Variants in PTPRB observed in about 807,000 individuals in gnomAD.
PTPRB encodes the protein receptor-type tyrosine-protein phosphatase beta.
PTPRB carries 97 observed loss-of-function variants against 238.1 expected under a neutral mutation model. The observed-to-expected ratio is 0.41, with a 90% CI of 0.35 to 0.48. The LOEUF (loss-of-function observed/expected upper bound fraction) is 0.48, where lower values mean the gene tolerates loss of function less well. PTPRB is among the 20% of genes least tolerant of loss of function. The pLI, the probability that PTPRB is intolerant of heterozygous loss-of-function variation, is 0.30. For synonymous variants in PTPRB, 970 were observed against 995.4 expected, an observed-to-expected ratio of 0.97 and a Z score of 0.48; for missense variants, 2,292 against 2,681.9, an observed-to-expected ratio of 0.85 and a Z score of 3.21.
intron 6 of PTPRB, among the ~76,000 whole-genome samples, chr12:70,593,513 CAAAAAAAAAAAAAAAA>C (rs71437149): frequency 2.7e-5 from 1 of 36,698 alleles, no homozygotes; most frequent in African/African-American, 1.1e-4. Flanking sequence ...AACTCTGTCT[CAAAAAAAAAAAAAAAA>C]AAAAAAAAAA....
intron 2 of PTPRB, among the ~76,000 whole-genome samples, chr12:70,631,159 C>T (rs1444234121): frequency 2.6e-5 from 4 of 152,176 alleles, no homozygotes; most frequent in African/African-American, 9.6e-5. Context: ...GGAGGCATCA[C>T]ACTACCTGAC....
chr12:70,593,603 C>G (rs1278391742), intron 6 of PTPRB, among the ~76,000 whole-genome samples: 1 of 147,872 alleles, frequency 6.8e-6, no homozygotes, highest in Non-Finnish European at 1.5e-5. Flanking sequence ...TCTTGATGTA[C>G]ATAAATAACT....
chr12:70,517,274 A>C lies in PTPRB; in HGVS notation c.*4215T>G, dbSNP rs746162797. 2.0e-5 allele frequency: 3 copies of C among 152,234 alleles called. No individual in the cohort carries two copies. The highest frequency in any genetic ancestry group is 2.9e-5 in the Non-Finnish European group (2 of 68,046). The allele number at this position is 152,234 out of a possible 1,614,324, so 9.4% of individuals were successfully genotyped here. A position where few individuals can be genotyped will look rare whatever the true frequency, so the allele number is the denominator to read the frequency against. On this transcript the variant is annotated 3_prime_UTR_variant, in exon 34 of 34. Coordinates refer to ENST00000334414, the MANE Select transcript of PTPRB (RefSeq NM_001109754.4). Reference sequence around the variant, plus strand: ...AATCCTCAAAAGGGCAACATGTCCTAATAGAAACGTGTGACAGGATTGTCC... The same window carrying C: ...AATCCTCAAAAGGGCAACATGTCCTCATAGAAACGTGTGACAGGATTGTCC...
intron 28 of PTPRB, among the ~76,000 whole-genome samples, chr12:70,536,603 G>A (rs1874161876): frequency 6.6e-6 from 1 of 152,226 alleles, no homozygotes; most frequent in Non-Finnish European, 1.5e-5. Context: ...ACTGTTGACT[G>A]AGCGTCTACC....
intron 11 of PTPRB, among the ~76,000 whole-genome samples, chr12:70,575,649 A>G (rs1377249903): frequency 6.6e-6 from 1 of 152,218 alleles, no homozygotes; most frequent in African/African-American, 2.4e-5. Flanking sequence ...AAATACAGAA[A>G]TCAACCCATA....
At chr12:70,601,761 T>C (rs1350222830) in intron 4 of PTPRB, among the ~76,000 whole-genome samples, 1 of 151,510 alleles carries the variant, frequency 6.6e-6, no homozygotes, top group Non-Finnish European at 1.5e-5. Flanking sequence ...AATACATTTC[T>C]AGAGAGGTAA....
Position 70,533,608 on chromosome 12 carries a change from G to A in PTPRB, c.6368+880C>T, listed in dbSNP as rs563869073. ...GCAATTGCTGTGCTGTGGTTTGAAT[G>A]TTTGTGTCCCCTCCAAAAATTCATG... On this transcript the variant is annotated intron_variant, in intron 31 of 33. Transcript: ENST00000334414. Among the ~76,000 whole-genome samples, 4 of 152,332 alleles carry A rather than the reference G, an allele frequency of 2.6e-5. No individual in the cohort carries two copies. The East Asian group carries it at 7.7e-4, about 29-fold the overall frequency.
At chr12:70,545,493 C>T (rs992076075) in intron 21 of PTPRB, among the ~76,000 whole-genome samples, 1 of 152,310 alleles carries the variant, frequency 6.6e-6, no homozygotes, top group African/African-American at 2.4e-5. Context: ...GGTCACTAGT[C>T]TTGGAAACTT....
rs1284446110 is a variant in PTPRB at position 70,571,311 on chromosome 12, C to A, written c.3107-22G>T. 9 of 1,561,020 alleles carry A rather than the reference C, an allele frequency of 5.8e-6. No individual in the cohort carries two copies. The East Asian group carries it at 2.0e-4, about 35-fold the overall frequency. ...GGAACTAGGGAGAAAAATGAGAAGA[C>A]ATTTCAGGAAAGGAACTGATCAGAG... is the stretch of plus-strand genomic sequence containing the variant. On this transcript the variant is annotated intron_variant, in intron 12 of 33. Transcript: ENST00000334414.
At position 70,596,266 on chromosome 12, in the gene PTPRB, A is replaced by T. The variant is rs2136483354; in HGVS notation, c.1041T>A (p.His347Gln). The T allele has an allele frequency of 6.2e-7, 1 of 1,612,812 alleles. No individual in the cohort carries two copies. The highest frequency in any genetic ancestry group is 8.5e-7 in the Non-Finnish European group (1 of 1,179,546). ...TTCCGGAAGAAGGAGTCCACCAAAC[A>T]TGCAAGCTGGTTGAAGTCGTCTTCT... is the stretch of plus-strand genomic sequence containing the variant. ...SKEKTTSTSLHVWWTPSSGKV... is the reference protein window; with the variant it reads ...SKEKTTSTSLQVWWTPSSGKV... The change falls in exon 5 of 34, where the codon CAT becomes CAA. Residue 347 changes from histidine to glutamine, a missense_variant. This residue lies in a region of PTPRB where 1,205 missense variants were observed against 1,287.8 expected (regional missense o/e 0.94). Coordinates refer to ENST00000334414, the MANE Select transcript of PTPRB (RefSeq NM_001109754.4).
At chr12:70,590,366 T>A in intron 7 of PTPRB, 133 bp from the exon 8 acceptor site, 1 of 879,750 alleles carries the variant, frequency 1.1e-6, no homozygotes, top group Non-Finnish European at 1.7e-6. Flanking sequence ...CCTCTTGATG[T>A]CTGTGGATTG....
Position 70,520,444 on chromosome 12 carries a change from A to G in PTPRB, c.*1045T>C, listed in dbSNP as rs1871541176. On this transcript the variant is annotated 3_prime_UTR_variant, in exon 34 of 34. Transcript: ENST00000334414. ...TTTTGCTATTGTTTTTAAATTTACTATATATGATGTTTGTAGTCATTTCTA... is the reference window on the plus strand; with the variant it reads ...TTTTGCTATTGTTTTTAAATTTACTGTATATGATGTTTGTAGTCATTTCTA... 1.4e-5 allele frequency: 3 copies of G among 214,572 alleles called. No individual in the cohort carries two copies. The South Asian group carries it at 1.7e-4, about 12-fold the overall frequency. 13.3% of individuals were successfully genotyped at this position (214,572 alleles called of 1,614,324 possible). A position where few individuals can be genotyped will look rare whatever the true frequency, so the allele number is the denominator to read the frequency against.
intron 3 of PTPRB, among the ~76,000 whole-genome samples, chr12:70,618,566 C>T (rs1592598113): frequency 6.6e-6 from 1 of 152,192 alleles, no homozygotes; most frequent in Non-Finnish European, 1.5e-5. Flanking sequence ...GTTTCTCTGA[C>T]ACAGAGTCCC....
Position 70,609,255 on chromosome 12 carries a change from T to C in PTPRB, c.793A>G (p.Ile265Val). The change falls in exon 4 of 34, where the codon ATT becomes GTT. Residue 265 changes from isoleucine to valine, a missense_variant. Around this residue, in one of 4 missense-constraint regions of PTPRB, gnomAD observed 1,205 missense variants for 1,287.8 expected, o/e 0.94. Coordinates refer to ENST00000334414, the MANE Select transcript of PTPRB (RefSeq NM_001109754.4). ...SSHSVSIQWRILGSPCNFSLI... is the reference protein window; with the variant it reads ...SSHSVSIQWRVLGSPCNFSLI... ...CTAAAGTTACAGGGTGAGCCCAAAA[T>C]TCTCCACTGGATAGACACAGAATGG... 6.2e-7 allele frequency: 1 copy of C among 1,614,040 alleles called. No homozygotes were observed.
chr12:70,577,677 T>C (rs1880936910), intron 10 of PTPRB, among the ~76,000 whole-genome samples: 1 of 152,198 alleles, frequency 6.6e-6, no homozygotes, highest in African/African-American at 2.4e-5. Context: ...AGATGACTTC[T>C]GAGAATCCTT....
rs375418146 is a variant in PTPRB at position 70,555,167 on chromosome 12, C to T, written c.5136G>A (p.Glu1712=). The change falls in exon 20 of 34, where the codon GAG becomes GAA. Residue 1712 remains glutamate, a synonymous_variant. Coordinates refer to ENST00000334414, the MANE Select transcript of PTPRB (RefSeq NM_001109754.4). ...AVKYFTVVVR[E]ADGSDELKPE... The stretch of plus-strand genomic sequence containing the variant: ...TAACTCATGATAACTTACCATCAGC[C>T]TCTCTCACCACCACTGTGAAGTATT... The T allele has an allele frequency of 4.0e-5, 64 of 1,613,402 alleles. 1 individual carries two copies. In the East Asian group the frequency reaches 1.0e-3, roughly 26 times the overall value.
chr12:70,562,286 C>T lies in PTPRB; in HGVS notation c.4168+558G>A, dbSNP rs187296298. 2.6e-5 allele frequency among the ~76,000 whole-genome samples: 4 copies of T among 151,102 alleles called. No individual in the cohort carries two copies. The East Asian group carries it at 5.8e-4, about 22-fold the overall frequency. ...GCAACAGAGTGAGAACTCGTCCCCC[C>T]CCAAAACATTTTTTTTTGAACAGGA... On this transcript the variant is annotated intron_variant, in intron 16 of 33. Coordinates refer to ENST00000334414, the MANE Select transcript of PTPRB (RefSeq NM_001109754.4).
rs753964494 is a variant in PTPRB at position 70,566,624 on chromosome 12, C to T, written c.3715G>A (p.Gly1239Ser). The change falls in exon 15 of 34, where the codon GGT becomes AGT. Residue 1239 changes from glycine (G) to serine (S), a missense_variant. Physicochemically the swap from Gly to Ser is moderately conservative, Grantham distance 56 (BLOSUM62 0). Around this residue, in one of 4 missense-constraint regions of PTPRB, gnomAD observed 683 missense variants for 862.0 expected, o/e 0.79. Coordinates refer to ENST00000334414, the MANE Select transcript of PTPRB (RefSeq NM_001109754.4). Reference sequence around the variant, plus strand: ...AGGATATCATATCTTTCTGCCACACCAGCAGCTTTTTGCCAACTTACTATT... The same window carrying T: ...AGGATATCATATCTTTCTGCCACACTAGCAGCTTTTTGCCAACTTACTATT... ...SLIVSWQKAAGVAERYDILLL... is the reference protein window; with the variant it reads ...SLIVSWQKAASVAERYDILLL... The T allele has an allele frequency of 6.2e-7, 1 of 1,613,942 alleles. No individual in the cohort carries two copies. The highest frequency in any genetic ancestry group is 2.2e-5 in the East Asian group (1 of 44,876).
chr12:70,538,832 T>C, intron 27 of PTPRB, 92 bp downstream of exon 27: 2 of 994,872 alleles, frequency 2.0e-6, no homozygotes, highest in Non-Finnish European at 3.1e-6. Context: ...TATCGAGCTA[T>C]ATTATATTTC....
Sources: gnomAD v4.1 joint callset for allele counts (sites outside exome capture counted in the v4.1 genomes callset) on GRCh38, gnomAD v4.1.1 for gene constraint, gnomAD v4.1.1 regional missense constraint, MANE v1.5 for transcripts, NCBI Gene and HGNC (gene_info 2026-07-23, HGNC 2026-07-21) for gene names.